Variants in ENTPD7 observed in about 807,000 individuals in gnomAD.
ENTPD7 encodes the protein NTPDase 7.
ENTPD7 carries 53 observed loss-of-function variants against 77.9 expected under a neutral mutation model. The ratio of observed to expected loss-of-function variants is 0.68; its 90% CI spans 0.55 to 0.85. The LOEUF (loss-of-function observed/expected upper bound fraction) is 0.85, where lower values mean the gene tolerates loss of function less well. ENTPD7 is among the 40% of genes least tolerant of loss of function. ENTPD7 has a pLI of 0.00. For synonymous variants in ENTPD7, 248 were observed against 274.9 expected, an observed-to-expected ratio of 0.90 and a Z score of 0.97; for missense variants, 636 against 743.7, an observed-to-expected ratio of 0.86 and a Z score of 1.68.
In ENTPD7 at chr10:99,706,805, A is replaced by G. The variant is rs2036262918; in HGVS notation, c.*2122A>G. Among the ~76,000 whole-genome samples, 2 of 152,200 alleles carry G rather than the reference A, an allele frequency of 1.3e-5. No individual in the cohort carries two copies. Among genetic ancestry groups the G allele is most frequent in the African/African-American group, 4.8e-5 (2 of 41,448 alleles). ...TATGTTTTAGCTGCCTACTCAGGTA[A>G]CGTTTTCTTTTGCTCTCATCTTGGT... On this transcript the variant is annotated 3_prime_UTR_variant, in exon 13 of 13. Transcript: ENST00000370489.
At chr10:99,669,042 CT>C (rs35881509) in intron 3 of ENTPD7, among the ~76,000 whole-genome samples, 191 of 137,786 alleles carry the variant, frequency 1.4e-3, no homozygotes, top group African/African-American at 1.9e-3. Context: ...TTTTATATAT[CT>C]TTTTTTTTTT....
At position 99,708,685 on chromosome 10, in the gene ENTPD7, C is replaced by G. The variant is rs1193062647; in HGVS notation, c.*4002C>G. 8.0e-6 allele frequency: 3 copies of G among 374,214 alleles called. No individual in the cohort carries two copies. Among genetic ancestry groups the G allele is most frequent in the African/African-American group, 2.2e-5 (1 of 45,426 alleles). 23.2% of individuals were successfully genotyped at this position (374,214 alleles called of 1,614,324 possible). On this transcript the variant is annotated 3_prime_UTR_variant, in exon 13 of 13. Coordinates refer to ENST00000370489, the MANE Select transcript of ENTPD7 (RefSeq NM_020354.5). ...CCCCTGATGATAAGGTTGGTGGGAA[C>G]AGAGTTTCTAATAGTAATCATAATA... is the stretch of plus-strand genomic sequence containing the variant.
At position 99,709,496 on chromosome 10, in the gene ENTPD7, C is replaced by G. The variant is rs1311702561; in HGVS notation, c.*4813C>G. 8.1e-6 allele frequency: 8 copies of G among 984,882 alleles called. No individual in the cohort carries two copies. Among genetic ancestry groups the G allele is most frequent in the Non-Finnish European group, 9.6e-6 (8 of 829,594 alleles). 61.0% of individuals were successfully genotyped at this position (984,882 alleles called of 1,614,324 possible). A position where few individuals can be genotyped will look rare whatever the true frequency, so the allele number is the denominator to read the frequency against. Reference sequence around the variant, plus strand: ...ATATTGCTGTTAAAAAACTAAGACTCAAAACCAAAAGTTGTGATTAATAAT... The same window carrying G: ...ATATTGCTGTTAAAAAACTAAGACTGAAAACCAAAAGTTGTGATTAATAAT... On this transcript the variant is annotated 3_prime_UTR_variant, in exon 13 of 13. Transcript: ENST00000370489.
Position 99,704,781 on chromosome 10 carries a change from C to A in ENTPD7, c.*98C>A. 1 of 1,120,064 alleles carries A rather than the reference C, an allele frequency of 8.9e-7. No homozygotes were observed. The highest frequency in any genetic ancestry group is 1.3e-6 in the Non-Finnish European group (1 of 780,542). The allele number at this position is 1,120,064 out of a possible 1,614,324, so 69.4% of individuals were successfully genotyped here. A position where few individuals can be genotyped will look rare whatever the true frequency, so the allele number is the denominator to read the frequency against. On this transcript the variant is annotated 3_prime_UTR_variant, in exon 13 of 13. Transcript: ENST00000370489. ...AGCCTCAGATGCTGTGATGTCTGAC[C>A]TTGTGGATATTTGCCCTTGGAATTT...
chr10:99,662,764 A>T lies in ENTPD7; in HGVS notation c.191+1136A>T, dbSNP rs78264391. On this transcript the variant is annotated intron_variant, in intron 3 of 12. Transcript: ENST00000370489. ...GTGGCCCTGGGTAGCTGCAAGACAG[A>T]TAGATCTCCATACTGTTACTCCCCA... Among the ~76,000 whole-genome samples the T allele has an allele frequency of 7.9e-5, 12 of 152,326 alleles. No homozygotes were observed. The East Asian group carries it at 2.3e-3, about 29-fold the overall frequency.
intron 7 of ENTPD7, 92 bp downstream of exon 7, chr10:99,688,842 T>C: frequency 7.9e-7 from 1 of 1,261,942 alleles, no homozygotes; most frequent in Non-Finnish European, 1.1e-6. Context: ...AATTTTGAGT[T>C]GTTTTTCTTT....
rs61870398 is a variant in ENTPD7 at position 99,708,674 on chromosome 10, G to A, written c.*3991G>A. 0.012 allele frequency: 3,863 copies of A among 311,340 alleles called. 42 individuals carry two copies. The highest frequency in any genetic ancestry group is 0.016 in the Non-Finnish European group (3,421 of 213,724). The allele number at this position is 311,340 out of a possible 1,614,324, so 19.3% of individuals were successfully genotyped here. A position where few individuals can be genotyped will look rare whatever the true frequency, so the allele number is the denominator to read the frequency against. On this transcript the variant is annotated 3_prime_UTR_variant, in exon 13 of 13. Transcript: ENST00000370489. ...TTTATCCATAACCCCTGATGATAAG[G>A]TTGGTGGGAACAGAGTTTCTAATAG...
In ENTPD7 at chr10:99,709,776, G is replaced by A. The variant is rs2036327364; in HGVS notation, c.*5093G>A. ...TTATATCCTAATAGACTTCTCTTGT[G>A]TTATTACACATTTCTCTTTTGCTCT... is the stretch of plus-strand genomic sequence containing the variant. On this transcript the variant is annotated 3_prime_UTR_variant, in exon 13 of 13. Coordinates refer to ENST00000370489, the MANE Select transcript of ENTPD7 (RefSeq NM_020354.5). 1 of 985,202 alleles carries A rather than the reference G, an allele frequency of 1.0e-6. No individual in the cohort carries two copies. The highest frequency in any genetic ancestry group is 1.7e-5 in the African/African-American group (1 of 57,300). The allele number at this position is 985,202 out of a possible 1,614,324, so 61.0% of individuals were successfully genotyped here.
At position 99,693,202 on chromosome 10, in the gene ENTPD7, C is replaced by G. The variant is rs191004938; in HGVS notation, c.843+1684C>G. ...GGGTAAGGGCAGGGGTGATATTAAG[C>G]AAACAGTATTGTCCTGAGAGATCTG... On this transcript the variant is annotated intron_variant, in intron 8 of 12. Coordinates refer to ENST00000370489, the MANE Select transcript of ENTPD7 (RefSeq NM_020354.5). 4.1e-4 allele frequency among the ~76,000 whole-genome samples: 62 copies of G among 152,280 alleles called. No individual in the cohort carries two copies. In the South Asian group the frequency reaches 4.4e-3, roughly 11 times the overall value.
At chr10:99,704,102 C>T (rs1056860409) in intron 12 of ENTPD7, among the ~76,000 whole-genome samples, 2 of 152,192 alleles carry the variant, frequency 1.3e-5, no homozygotes, top group African/African-American at 4.8e-5. Context: ...ACCCTATTCT[C>T]ATTAGTACTG....
In ENTPD7 at chr10:99,710,204, G is replaced by A. The variant is rs886046598; in HGVS notation, c.*5521G>A. On this transcript the variant is annotated 3_prime_UTR_variant, in exon 13 of 13. Transcript: ENST00000370489. ...TGGCCCCTCCTACAGAGCACTTGCC[G>A]GCATTTGGCCTGCTGCTGGTGAAGA... The A allele has an allele frequency of 3.7e-5, 36 of 985,406 alleles. No homozygotes were observed. The highest frequency in any genetic ancestry group is 4.1e-5 in the Non-Finnish European group (34 of 829,924). 61.0% of individuals were successfully genotyped at this position (985,406 alleles called of 1,614,324 possible).
chr10:99,686,928 T>G (rs1324167134), intron 6 of ENTPD7, among the ~76,000 whole-genome samples: 1 of 150,560 alleles, frequency 6.6e-6, no homozygotes, highest in African/African-American at 2.4e-5. Flanking sequence ...TTTTTTTTTT[T>G]TTTTTTTGAG....
In ENTPD7 at chr10:99,709,844, G is replaced by A. The variant is rs1564640953; in HGVS notation, c.*5161G>A. The stretch of plus-strand genomic sequence containing the variant: ...CAGTTTGTCAGTACCGTTATCAGAG[G>A]GACGAGGAAGGAATAACACACCAGT... On this transcript the variant is annotated 3_prime_UTR_variant, in exon 13 of 13. Transcript: ENST00000370489. 1.0e-6 allele frequency: 1 copy of A among 985,060 alleles called. No individual in the cohort carries two copies. The highest frequency in any genetic ancestry group is 4.7e-5 in the South Asian group (1 of 21,278). The allele number at this position is 985,060 out of a possible 1,614,324, so 61.0% of individuals were successfully genotyped here.
rs1027956125 is a variant in ENTPD7 at position 99,702,591 on chromosome 10, C to T, written c.1501C>T (p.Arg501Trp). 2 of 1,613,468 alleles carry T rather than the reference C, an allele frequency of 1.2e-6. No individual in the cohort carries two copies. The highest frequency in any genetic ancestry group is 8.5e-7 in the Non-Finnish European group (1 of 1,179,756). Residue 501 changes from arginine (R) to tryptophan (W), a missense_variant, in exon 12 of 13, where the codon CGG becomes TGG. By Grantham distance (101) the Arg-to-Trp change is moderately radical (BLOSUM62 -3). This residue lies in a region of ENTPD7 where 138 missense variants were observed against 150.9 expected (regional missense o/e 0.91). Coordinates refer to ENST00000370489, the MANE Select transcript of ENTPD7 (RefSeq NM_020354.5). ...FHFPYDYPNLRTAQLVYDREV... is the reference protein window; with the variant it reads ...FHFPYDYPNLWTAQLVYDREV... ...CTTTCCCTATGACTACCCAAACCTG[C>T]GGACAGCCCAGCTGGTGTATGACCG...
intron 10 of ENTPD7, 21 bp from the exon 11 acceptor site, chr10:99,700,952 A>G (rs2133514812): frequency 6.2e-7 from 1 of 1,606,496 alleles, no homozygotes; most frequent in South Asian, 1.1e-5. Flanking sequence ...ATGTTGCACT[A>G]TTTCTCTGTG....
chr10:99,702,804 C>T (rs2036167900), intron 12 of ENTPD7, 131 bp downstream of exon 12: 4 of 764,992 alleles, frequency 5.2e-6, no homozygotes, highest in Non-Finnish European at 7.5e-6. Context: ...TCTACCCCCT[C>T]ACAAAAACAA....
At chr10:99,698,962 A>C in intron 10 of ENTPD7, 104 bp downstream of exon 10, 2 of 1,096,048 alleles carry the variant, frequency 1.8e-6, no homozygotes, top group Non-Finnish European at 2.6e-6. Context: ...ACAGAATCTC[A>C]CTTGTTCTTT....
chr10:99,711,017 A>G lies in ENTPD7; in HGVS notation c.*6334A>G, dbSNP rs2036365254. ...TTGGAAAAAGGTATTTGGAACATCA[A>G]TCTGTAATTATCCATTTTCCATTCA... On this transcript the variant is annotated 3_prime_UTR_variant, in exon 13 of 13. Transcript: ENST00000370489. 2 of 985,172 alleles carry G rather than the reference A, an allele frequency of 2.0e-6. No individual in the cohort carries two copies. The highest frequency in any genetic ancestry group is 2.4e-6 in the Non-Finnish European group (2 of 829,826). 61.0% of individuals were successfully genotyped at this position (985,172 alleles called of 1,614,324 possible). A position where few individuals can be genotyped will look rare whatever the true frequency, so the allele number is the denominator to read the frequency against.
At chr10:99,675,263 T>C (rs566992069) in intron 3 of ENTPD7, among the ~76,000 whole-genome samples, 1 of 152,226 alleles carries the variant, frequency 6.6e-6, no homozygotes, top group African/African-American at 2.4e-5. Context: ...CACTGTGAAA[T>C]TGGATAGCTT....
Sources: gnomAD v4.1 joint callset for allele counts (sites outside exome capture counted in the v4.1 genomes callset) on GRCh38, gnomAD v4.1.1 for gene constraint, gnomAD v4.1.1 regional missense constraint, MANE v1.5 for transcripts, NCBI Gene and HGNC (gene_info 2026-07-23, HGNC 2026-07-21) for gene names.